The following OPCML variants were observed in gnomAD, a reference collection of about 807,000 sequenced individuals.
The protein encoded by OPCML is opioid-binding protein/cell adhesion molecule.
In OPCML, 13 loss-of-function variants were observed where a neutral mutation model predicts 37.8. That is an observed-to-expected ratio of 0.34 (90% CI 0.22 to 0.55). The LOEUF (loss-of-function observed/expected upper bound fraction) is 0.55, where lower values mean the gene tolerates loss of function less well. Ranked by LOEUF, OPCML falls within the 20% of genes least tolerant of loss-of-function variation. The pLI, the probability that OPCML is intolerant of heterozygous loss-of-function variation, is 0.91. For missense variants in OPCML, 341 were observed against 435.6 expected (o/e 0.78, Z 1.93); for synonymous variants, 176 against 168.8 (o/e 1.04, Z -0.33).
intron 4 of OPCML, among the ~76,000 whole-genome samples, chr11:132,442,644 C>T (rs953993674): frequency 1.4e-4 from 21 of 152,200 alleles, no homozygotes; most frequent in Non-Finnish European, 1.9e-4. Flanking sequence ...ATTATCCCCA[C>T]GTGTCAAGGG....
intron 1 of OPCML, among the ~76,000 whole-genome samples, chr11:133,519,016 G>A (rs948545344): frequency 1.3e-5 from 2 of 152,106 alleles, no homozygotes; most frequent in Non-Finnish European, 2.9e-5. Context: ...GAGGTCCTCG[G>A]CCCTGCACAG....
intron 4 of OPCML, among the ~76,000 whole-genome samples, chr11:132,527,826 T>G (rs973741425): frequency 2.6e-5 from 4 of 152,200 alleles, no homozygotes; most frequent in Non-Finnish European, 5.9e-5. Flanking sequence ...GTTACTCGTG[T>G]GGACACTGAT....
chr11:132,943,973 T>G lies in OPCML; in HGVS notation c.62-963A>C, dbSNP rs76378551. Among the ~76,000 whole-genome samples the G allele has an allele frequency of 0.14, 21,535 of 151,816 alleles. 1,750 individuals carry two copies. The highest frequency in any genetic ancestry group is 0.23 in the Admixed American group (3,450 of 15,274). ...GCAGCTCCATCCCTGACCGCCACTT[T>G]CTCCCGGTGCCGCCTCGGAGCGAGC... On this transcript the variant is annotated intron_variant, in intron 1 of 7. Coordinates refer to ENST00000524381, the MANE Select transcript of OPCML (RefSeq NM_001012393.5). The surrounding 1 kb of genome is among the most constrained non-coding windows in gnomAD (Gnocchi z 4.3).
chr11:133,320,058 G>C (rs1332989546), intron 1 of OPCML, among the ~76,000 whole-genome samples: 1 of 152,146 alleles, frequency 6.6e-6, no homozygotes, highest in East Asian at 1.9e-4. Context: ...AGCAATGTCT[G>C]TCCTTGTCAC....
chr11:133,502,230 G>A (rs1947930874), intron 1 of OPCML, among the ~76,000 whole-genome samples: 1 of 152,144 alleles, frequency 6.6e-6, no homozygotes, highest in Non-Finnish European at 1.5e-5. Flanking sequence ...GCTCTCCTCA[G>A]GTGTGTGTTC....
At chr11:132,518,289 A>G (rs1403167758) in intron 4 of OPCML, among the ~76,000 whole-genome samples, 4 of 151,878 alleles carry the variant, frequency 2.6e-5, no homozygotes, top group African/African-American at 7.3e-5. Context: ...ATGTATTCTC[A>G]TTGTTCAACA....
In OPCML at chr11:133,509,098, G is replaced by A. The variant is rs576054509; in HGVS notation, c.61+23166C>T. Among the ~76,000 whole-genome samples the A allele has an allele frequency of 7.9e-5, 12 of 152,104 alleles. No homozygotes were observed. In the South Asian group the frequency reaches 2.3e-3, roughly 29 times the overall value. ...AAATTTTATGTTCTGGGATACATGT[G>A]CAGGACGTGCAGGTTTGTTACATTG... On this transcript the variant is annotated intron_variant, in intron 1 of 7. Coordinates refer to ENST00000524381, the MANE Select transcript of OPCML (RefSeq NM_001012393.5).
chr11:133,133,135 T>C (rs547952040), intron 1 of OPCML, among the ~76,000 whole-genome samples: 4 of 152,292 alleles, frequency 2.6e-5, no homozygotes, highest in African/African-American at 9.6e-5. Context: ...TCAGAAGGCA[T>C]GGCCTCCAAA....
chr11:132,936,218 T>C (rs1488704470), intron 2 of OPCML, among the ~76,000 whole-genome samples: 1 of 152,134 alleles, frequency 6.6e-6, no homozygotes, highest in African/African-American at 2.4e-5. Context: ...ACAGAAAGGA[T>C]GTGTTTGGTT....
chr11:132,603,229 T>G (rs1464400456), intron 3 of OPCML, among the ~76,000 whole-genome samples: 2 of 152,178 alleles, frequency 1.3e-5, no homozygotes, highest in African/African-American at 4.8e-5. Flanking sequence ...AGTGATCTCC[T>G]ACTGATCCAT....
In OPCML at chr11:132,759,031, A is replaced by C. The variant is rs914999669; in HGVS notation, c.147-101712T>G. 2.6e-5 allele frequency among the ~76,000 whole-genome samples: 4 copies of C among 152,302 alleles called. No homozygotes were observed. In the East Asian group the frequency reaches 5.8e-4, roughly 22 times the overall value. On this transcript the variant is annotated intron_variant, in intron 2 of 7. Coordinates refer to ENST00000524381, the MANE Select transcript of OPCML (RefSeq NM_001012393.5). ...ATGAAAGGGGGTTGAATTTTGTCAA[A>C]GGCCTTTTCTGCATCTATTGAAATA...
intron 2 of OPCML, among the ~76,000 whole-genome samples, chr11:132,658,838 C>G (rs1158518715): frequency 6.6e-6 from 1 of 152,222 alleles, no homozygotes; most frequent in Non-Finnish European, 1.5e-5. Context: ...CTTGTTATAT[C>G]TCAGTCTACA....
chr11:133,378,829 C>G (rs1201890311), intron 1 of OPCML, among the ~76,000 whole-genome samples: 1 of 152,062 alleles, frequency 6.6e-6, no homozygotes, highest in East Asian at 1.9e-4. Context: ...AACTCCTGGG[C>G]TCCAGAGATC....
intron 1 of OPCML, among the ~76,000 whole-genome samples, chr11:133,384,191 A>G (rs1478776273): frequency 2.1e-5 from 3 of 144,804 alleles, no homozygotes; most frequent in African/African-American, 8.0e-5. Flanking sequence ...CCTTTGACCT[A>G]ATTTTCCCAA....
intron 1 of OPCML, among the ~76,000 whole-genome samples, chr11:133,305,648 C>A (rs943446847): frequency 6.6e-6 from 1 of 152,152 alleles, no homozygotes; most frequent in African/African-American, 2.4e-5. Flanking sequence ...CATTAGGGTT[C>A]CCCTCCACCC....
At chr11:132,762,671 G>A (rs1946305317) in intron 2 of OPCML, among the ~76,000 whole-genome samples, 1 of 152,254 alleles carries the variant, frequency 6.6e-6, no homozygotes, top group Non-Finnish European at 1.5e-5. Context: ...CCCCCACCAA[G>A]CTCGAGAGTC....
intron 7 of OPCML, among the ~76,000 whole-genome samples, chr11:132,434,570 C>T (rs934816098): frequency 2.0e-5 from 3 of 152,180 alleles, no homozygotes; most frequent in African/African-American, 7.2e-5. Flanking sequence ...GTTACCCAAG[C>T]TCTTTAGTCC....
chr11:132,615,553 C>CA (rs1455933019), intron 3 of OPCML, among the ~76,000 whole-genome samples: 2 of 152,002 alleles, frequency 1.3e-5, no homozygotes, highest in African/African-American at 4.8e-5. Flanking sequence ...AAAACTACAG[C>CA]ATAACAACTA....
chr11:133,185,262 G>A (rs573765293), intron 1 of OPCML, among the ~76,000 whole-genome samples: 31 of 152,272 alleles, frequency 2.0e-4, no homozygotes, highest in East Asian at 1.2e-3. Context: ...AATCATTGTC[G>A]GAGCCCATTT....
Sources: gnomAD v4.1 joint callset for allele counts (sites outside exome capture counted in the v4.1 genomes callset) on GRCh38, gnomAD v4.1.1 for gene constraint, Gnocchi (gnomAD v3.1) non-coding constraint, MANE v1.5 for transcripts, NCBI Gene and HGNC (gene_info 2026-07-23, HGNC 2026-07-21) for gene names.